ADGRL2: variants seen among roughly 807,000 people sequenced by gnomAD.
The protein encoded by ADGRL2 is adhesion G protein-coupled receptor L2.
ADGRL2 carries 44 observed loss-of-function variants against 157.4 expected under a neutral mutation model. The observed-to-expected ratio is 0.28, with a 90% CI of 0.22 to 0.36. The LOEUF is 0.36. Among genes scored for constraint, ADGRL2 ranks in the 10% least tolerant of loss-of-function variants. ADGRL2 has a pLI of 1.00. For missense variants in ADGRL2, 1,510 were observed against 1,768.9 expected (o/e 0.85, Z 2.63); for synonymous variants, 585 against 624.7 (o/e 0.94, Z 0.95).
chr1:81,344,535 G>A (rs1353446175), intron 1 of ADGRL2, among the ~76,000 whole-genome samples: 1 of 151,622 alleles, frequency 6.6e-6, no homozygotes, highest in Non-Finnish European at 1.5e-5. Flanking sequence ...AATTAGCTGG[G>A]CATGCCTGTA....
chr1:81,515,509 G>A (rs2079158805), intron 2 of ADGRL2, among the ~76,000 whole-genome samples: 1 of 150,200 alleles, frequency 6.7e-6, no homozygotes, highest in African/African-American at 2.4e-5. Context: ...ATTTATTTAT[G>A]ACAGTGTCTG....
intron 2 of ADGRL2, among the ~76,000 whole-genome samples, chr1:81,764,189 CAAA>C (rs34716755): frequency 3.9e-5 from 4 of 101,510 alleles, no homozygotes; most frequent in African/African-American, 4.0e-5. Context: ...GAGACTCTGT[CAAA>C]AAAAAAAAAA....
At chr1:81,311,667 A>C (rs1026549605) in intron 1 of ADGRL2, among the ~76,000 whole-genome samples, 7 of 152,224 alleles carry the variant, frequency 4.6e-5, no homozygotes, top group Admixed American at 4.6e-4. Context: ...CACATTTCTT[A>C]AGACTTAGCT....
At chr1:81,966,686 G>A (rs1657148351) in intron 13 of ADGRL2, 77 bp downstream of exon 13, 3 of 1,281,660 alleles carry the variant, frequency 2.3e-6, no homozygotes, top group South Asian at 1.2e-5. Flanking sequence ...GAGGTGCTGG[G>A]GATGGGGAGA....
chr1:81,891,321 C>G (rs1224398352), intron 2 of ADGRL2, among the ~76,000 whole-genome samples: 3 of 151,946 alleles, frequency 2.0e-5, no homozygotes, highest in Middle Eastern at 3.4e-3. Flanking sequence ...CAGTTTGTCT[C>G]AACATTTTTA....
At chr1:81,695,178 C>T (rs1010391850), upstream of ADGRL2, among the ~76,000 whole-genome samples, 14 of 151,978 alleles carry the variant, frequency 9.2e-5, no homozygotes, top group African/African-American at 3.4e-4. Context: ...ACTCGACAGT[C>T]TCTTGATAAC....
At chr1:81,545,649 C>T (rs2079998087) in intron 2 of ADGRL2, among the ~76,000 whole-genome samples, 1 of 152,060 alleles carries the variant, frequency 6.6e-6, no homozygotes, top group Non-Finnish European at 1.5e-5. Flanking sequence ...TATTTAAATT[C>T]CAATAGGCTT....
chr1:81,743,967 C>G (rs1195334704), intron 1 of ADGRL2, among the ~76,000 whole-genome samples: 2 of 151,910 alleles, frequency 1.3e-5, no homozygotes, highest in East Asian at 1.9e-4. Flanking sequence ...AAGGAAAGGA[C>G]AAGGATAGAT....
intron 1 of ADGRL2, among the ~76,000 whole-genome samples, chr1:81,424,170 G>A (rs776643291): frequency 2.0e-4 from 30 of 152,126 alleles, no homozygotes; most frequent in Middle Eastern, 3.2e-3. Flanking sequence ...GAAATCCTGA[G>A]CTCCAATGTC....
chr1:81,990,405 A>G lies in ADGRL2; in HGVS notation c.3670A>G (p.Asn1224Asp). The G allele has an allele frequency of 1.9e-6, 3 of 1,613,416 alleles. No individual in the cohort carries two copies. Among genetic ancestry groups the G allele is most frequent in the African/African-American group, 1.3e-5 (1 of 75,046 alleles). Residue 1224 changes from asparagine (N) to aspartate (D), a missense_variant, in exon 24 of 24, where the codon AAT becomes GAT. Coordinates refer to ENST00000686636, the MANE Select transcript of ADGRL2 (RefSeq NM_001366006.2). ...TTCTGTTTCAGGACATTCACTGAACAATGCCAGGGATACAAGTGCCATGGA... is the reference window on the plus strand; with the variant it reads ...TTCTGTTTCAGGACATTCACTGAACGATGCCAGGGATACAAGTGCCATGGA... ...TYRETRHSLN[N>D]ARDTSAMDTL...
chr1:81,564,664 T>G (rs1035971485), intron 2 of ADGRL2, among the ~76,000 whole-genome samples: 1 of 152,184 alleles, frequency 6.6e-6, no homozygotes, highest in Non-Finnish European at 1.5e-5. Context: ...TCTTGCCATA[T>G]TCTGTTCATT....
At chr1:81,505,170 A>C in intron 2 of ADGRL2, 1 of 503,986 alleles carries the variant, frequency 2.0e-6, no homozygotes. Context: ...GTCTTCTCTC[A>C]GCCCTCCACA....
At chr1:81,872,458 G>T (rs1469188804) in intron 2 of ADGRL2, among the ~76,000 whole-genome samples, 2 of 152,066 alleles carry the variant, frequency 1.3e-5, no homozygotes, top group African/African-American at 2.4e-5. Flanking sequence ...ATTATTGCTG[G>T]AAGATGAAAA....
At chr1:81,547,050 A>T (rs892656814) in intron 2 of ADGRL2, among the ~76,000 whole-genome samples, 2 of 152,024 alleles carry the variant, frequency 1.3e-5, no homozygotes, top group Non-Finnish European at 2.9e-5. Context: ...ATGATTCCCA[A>T]CTGGATCTTT....
intron 1 of ADGRL2, among the ~76,000 whole-genome samples, chr1:81,339,410 T>C (rs1252022306): frequency 1.3e-5 from 2 of 152,338 alleles, no homozygotes; most frequent in East Asian, 1.9e-4. Context: ...ACAATCACAG[T>C]ACTTGCTTCA....
At chr1:81,331,713 T>C (rs1661280114) in intron 1 of ADGRL2, among the ~76,000 whole-genome samples, 2 of 152,170 alleles carry the variant, frequency 1.3e-5, no homozygotes, top group African/African-American at 4.8e-5. Flanking sequence ...AGCTACCATG[T>C]TAGCAGTGCC....
chr1:81,822,475 A>G (rs931763252), intron 1 of ADGRL2, among the ~76,000 whole-genome samples: 2 of 151,660 alleles, frequency 1.3e-5, no homozygotes, highest in Non-Finnish European at 2.9e-5. Flanking sequence ...GTACATTTAT[A>G]TAATCCCTGG....
At chr1:81,355,770 G>C (rs925763945) in intron 1 of ADGRL2, among the ~76,000 whole-genome samples, 1 of 152,140 alleles carries the variant, frequency 6.6e-6, no homozygotes, top group African/African-American at 2.4e-5. Flanking sequence ...GGCAACAAGA[G>C]CCTCTTTTTA....
At chr1:81,427,257 GT>G (rs1462509741) in intron 1 of ADGRL2, 4 of 751,230 alleles carry the variant, frequency 5.3e-6, no homozygotes, top group Non-Finnish European at 7.3e-6. Flanking sequence ...AGCGGAAATA[GT>G]TATGAAGGAG....
Sources: gnomAD v4.1 joint callset for allele counts (sites outside exome capture counted in the v4.1 genomes callset) on GRCh38, gnomAD v4.1.1 for gene constraint, MANE v1.5 for transcripts, NCBI Gene and HGNC (gene_info 2026-07-23, HGNC 2026-07-21) for gene names.